SLC7A7: variants seen among roughly 807,000 people sequenced by gnomAD.
SLC7A7 encodes solute carrier family 7 member 7.
A neutral mutation model predicts 47.9 loss-of-function variants in SLC7A7; 39 were observed. The observed-to-expected ratio is 0.81, with a 90% confidence interval of 0.63 to 1.06. SLC7A7 has a LOEUF of 1.06. Among genes scored for constraint, SLC7A7 ranks in the 50% least tolerant of loss-of-function variants. SLC7A7 has a pLI of 0.00. For missense variants in SLC7A7, 588 were observed against 632.0 expected (o/e 0.93, Z 0.75); for synonymous variants, 234 against 242.8 (o/e 0.96, Z 0.34).
chr14:22,791,113 T>C (rs1229349812), intron 2 of SLC7A7, among the ~76,000 whole-genome samples: 2 of 152,190 alleles, frequency 1.3e-5, no homozygotes, highest in African/African-American at 2.4e-5. Flanking sequence ...AATGCGTTAC[T>C]GAGCAACTCC....
Position 22,776,092 on chromosome 14 carries a change from T to C in SLC7A7, c.894+103A>G, listed in dbSNP as rs3850290. The C allele has an allele frequency of 0.64, 977,121 of 1,523,346 alleles. 322,387 individuals are homozygous for C. Among genetic ancestry groups the C allele is most frequent in the East Asian group, 0.82 (36,283 of 44,460 alleles). The allele number at this position is 1,523,346 out of a possible 1,614,324, so 94.4% of individuals were successfully genotyped here. A position where few individuals can be genotyped will look rare whatever the true frequency, so the allele number is the denominator to read the frequency against. ...TGCAAGCCCGGTATTCTAAATGAAC[T>C]CCTTTCAAGGCTGTCTACCCCCTTT... On this transcript the variant is annotated intron_variant, in intron 5 of 9. Transcript: ENST00000674313.
intron 2 of SLC7A7, among the ~76,000 whole-genome samples, chr14:22,800,822 C>G (rs940036575): frequency 6.6e-6 from 1 of 152,014 alleles, no homozygotes; most frequent in Admixed American, 6.6e-5. Flanking sequence ...GCCTGTAATC[C>G]CAGCTACTCA....
intron 2 of SLC7A7, among the ~76,000 whole-genome samples, chr14:22,781,590 G>A (rs2038720652): frequency 6.6e-6 from 1 of 152,164 alleles, no homozygotes. Flanking sequence ...ACACAAGTGT[G>A]CAGCACCCCA....
chr14:22,804,093 C>T (rs1184117228), intron 2 of SLC7A7, among the ~76,000 whole-genome samples: 4 of 152,106 alleles, frequency 2.6e-5, no homozygotes, highest in Non-Finnish European at 5.9e-5. Context: ...AGAAATTACT[C>T]ATGTGGGAAA....
intron 2 of SLC7A7, among the ~76,000 whole-genome samples, 174 bp downstream of exon 2, chr14:22,812,726 C>A (rs1019348340): frequency 6.9e-6 from 1 of 145,580 alleles, no homozygotes; most frequent in Admixed American, 6.9e-5. Context: ...AGTGTTTTTG[C>A]GATACACTGT....
chr14:22,773,743 TGAGAA>T (rs760533734), intron 9 of SLC7A7, 27 bp from the exon 10 acceptor site: 62 of 1,608,612 alleles, frequency 3.9e-5, no homozygotes, highest in Non-Finnish European at 5.0e-5. Flanking sequence ...GAGTTGGAAT[TGAGAA>T]GAGGTCAGCT....
chr14:22,809,210 C>T (rs924508658), intron 2 of SLC7A7, among the ~76,000 whole-genome samples: 3 of 152,122 alleles, frequency 2.0e-5, no homozygotes, highest in African/African-American at 4.8e-5. Context: ...GACAGAGTCT[C>T]GCTCTGTGGC....
rs982211558 is a variant in SLC7A7, at chr14:22,778,779, G to A, written c.770+14C>T. 10 of 1,611,656 alleles carry A rather than the reference G, an allele frequency of 6.2e-6. No individual in the cohort carries two copies. The highest frequency in any genetic ancestry group is 8.5e-6 in the Non-Finnish European group (10 of 1,178,072). On this transcript the variant is annotated intron_variant, in intron 4 of 9. Transcript: ENST00000674313. ...GCTATCACTGCTATGGAAAGTTGGTGGTGCAGTACCTACCTCTCAGGATTC... is the reference window on the plus strand; with the variant it reads ...GCTATCACTGCTATGGAAAGTTGGTAGTGCAGTACCTACCTCTCAGGATTC...
At chr14:22,786,293 GGCCACAGAGCAA>G (rs1443440534) in intron 2 of SLC7A7, among the ~76,000 whole-genome samples, 1 of 144,424 alleles carries the variant, frequency 6.9e-6, no homozygotes, top group Non-Finnish European at 1.5e-5. Flanking sequence ...ACTCCAGCCT[GGCCACAGAGCAA>G]GACTCCATCT....
intron 2 of SLC7A7, among the ~76,000 whole-genome samples, chr14:22,810,208 T>C (rs2039283127): frequency 6.6e-6 from 1 of 152,024 alleles, no homozygotes; most frequent in Non-Finnish European, 1.5e-5. Context: ...CCCATGCCTG[T>C]AATCCCAGCA....
intron 2 of SLC7A7, among the ~76,000 whole-genome samples, chr14:22,812,104 A>G (rs2039318151): frequency 6.6e-6 from 1 of 152,212 alleles, no homozygotes; most frequent in Non-Finnish European, 1.5e-5. Context: ...AGCACACTGT[A>G]GAATTACATG....
chr14:22,815,717 G>A (rs954788111), upstream of SLC7A7: 1 of 452,256 alleles, frequency 2.2e-6, no homozygotes, highest in African/African-American at 2.0e-5. Context: ...GTAGCCCTGG[G>A]GAAGCTGTCC....
At chr14:22,780,452 C>G in intron 2 of SLC7A7, 1 of 241,990 alleles carries the variant, frequency 4.1e-6, no homozygotes, top group Non-Finnish European at 8.2e-6. Context: ...GGACACAGCA[C>G]TCTGACTCTG....
Position 22,774,522 on chromosome 14 carries a change from G to T in SLC7A7, c.1096-19C>A, listed in dbSNP as rs1325229919. 6.2e-7 allele frequency: 1 copy of T among 1,614,098 alleles called. No homozygotes were observed. Among genetic ancestry groups the T allele is most frequent in the African/African-American group, 1.3e-5 (1 of 75,020 alleles). On this transcript the variant is annotated intron_variant, in intron 7 of 9. Transcript: ENST00000674313. ...TGATACCCTGTAAGCGTGAGCCTAA[G>T]TCAGCTCTTCTCAGGGCCTTTGTTA...
intron 2 of SLC7A7, among the ~76,000 whole-genome samples, chr14:22,795,380 TGC>T (rs1491225322): frequency 0.11 from 438 of 4,070 alleles, 7 homozygotes; most frequent in Admixed American, 0.13. Flanking sequence ...GAGTATTGCT[TGC>T]TTGCTTTCTT....
intron 2 of SLC7A7, among the ~76,000 whole-genome samples, chr14:22,802,140 C>T (rs371565166): frequency 1.3e-5 from 2 of 152,170 alleles, no homozygotes; most frequent in East Asian, 3.9e-4. Context: ...AGGTGGCTCA[C>T]GCCTGCAATC....
rs1451279669 is a variant in SLC7A7, at chr14:22,773,304, G to T, written c.*306C>A. 12 of 501,556 alleles carry T rather than the reference G, an allele frequency of 2.4e-5. No individual in the cohort carries two copies. The East Asian group carries it at 6.1e-4, about 26-fold the overall frequency. 31.1% of individuals were successfully genotyped at this position (501,556 alleles called of 1,614,324 possible). On this transcript the variant is annotated 3_prime_UTR_variant, in exon 10 of 10. Transcript: ENST00000674313. ...AAAGGAGACAGGAAATTGGAGCATT[G>T]TGGGCCCTTTTAAAAGAAAAGAGGA...
In SLC7A7 at chr14:22,815,309, C is replaced by T. The variant is rs1455158611; in HGVS notation, c.-43+11G>A. ...AAGTGGAGATGAGAAGAGGGTGGAA[C>T]GCACACTCACTCCTTGGTCCTGGAT... On this transcript the variant is annotated intron_variant, in intron 1 of 9. Transcript: ENST00000674313. 33 of 451,250 alleles carry T rather than the reference C, an allele frequency of 7.3e-5. 1 individual carries two copies. In the East Asian group the frequency reaches 1.5e-3, roughly 21 times the overall value. The allele number at this position is 451,250 out of a possible 1,614,324, so 28.0% of individuals were successfully genotyped here.
At chr14:22,809,248 C>T (rs1343693030) in intron 2 of SLC7A7, among the ~76,000 whole-genome samples, 1 of 152,080 alleles carries the variant, frequency 6.6e-6, no homozygotes, top group African/African-American at 2.4e-5. Flanking sequence ...AGCATGATCT[C>T]GGCTACTGCA....
Sources: allele counts gnomAD v4.1 joint callset (sites outside exome capture counted in the v4.1 genomes callset), GRCh38; gene constraint gnomAD v4.1.1; transcripts MANE v1.5; gene names NCBI Gene and HGNC (gene_info 2026-07-23, HGNC 2026-07-21).